CTNNA3: variants seen among roughly 807,000 people sequenced by gnomAD.
The protein encoded by CTNNA3 is catenin alpha-3.
Under a neutral mutation model 95.7 loss-of-function variants are expected in CTNNA3, and 76 were observed. The ratio of observed to expected loss-of-function variants is 0.79; its 90% CI spans 0.66 to 0.96. The LOEUF is 0.96. CTNNA3 is among the 40% of genes least tolerant of loss of function. The pLI is 0.00. For synonymous variants in CTNNA3, 431 were observed against 374.4 expected, an observed-to-expected ratio of 1.15 and a Z score of -1.74; for missense variants, 1,191 against 1,089.8, an observed-to-expected ratio of 1.09 and a Z score of -1.31.
chr10:67,408,885 A>C (rs955357635), intron 5 of CTNNA3, among the ~76,000 whole-genome samples: 119 of 146,252 alleles, frequency 8.1e-4, no homozygotes, highest in Middle Eastern at 3.6e-3. Flanking sequence ...AAATTTACAA[A>C]AAAAAAAAAA....
intron 5 of CTNNA3, among the ~76,000 whole-genome samples, chr10:67,515,712 A>G (rs1839790580): frequency 1.3e-5 from 2 of 152,218 alleles, no homozygotes; most frequent in African/African-American, 2.4e-5. Flanking sequence ...AAAAGGAATA[A>G]TTCAATCAGA....
At position 65,915,914 on chromosome 10, in the gene CTNNA3, T is replaced by C. The variant is rs1021779473; in HGVS notation, c.*4416A>G. Reference sequence around the variant, plus strand: ...TTACTTCTTCTCTTTCTCTTTGAGATGACTAAGATAGCGTTAGTAGCCTCA... The same window carrying C: ...TTACTTCTTCTCTTTCTCTTTGAGACGACTAAGATAGCGTTAGTAGCCTCA... On this transcript the variant is annotated 3_prime_UTR_variant, in exon 18 of 18. Coordinates refer to ENST00000433211, the MANE Select transcript of CTNNA3 (RefSeq NM_013266.4). 6.6e-6 allele frequency: 1 copy of C among 152,228 alleles called. No individual in the cohort carries two copies. Among genetic ancestry groups the C allele is most frequent in the Non-Finnish European group, 1.5e-5 (1 of 68,038 alleles). 9.4% of individuals were successfully genotyped at this position (152,228 alleles called of 1,614,324 possible). A position where few individuals can be genotyped will look rare whatever the true frequency, so the allele number is the denominator to read the frequency against.
intron 8 of CTNNA3, among the ~76,000 whole-genome samples, chr10:66,769,748 C>G (rs10997376): frequency 0.85 from 129,416 of 152,246 alleles, 55,305 homozygotes; most frequent in East Asian, 1. Flanking sequence ...AAAATTCCTA[C>G]CCTCCATCCA....
chr10:67,563,172 G>T (rs11527385), intron 3 of CTNNA3, among the ~76,000 whole-genome samples: 19,859 of 151,904 alleles, frequency 0.13, 1,575 homozygotes, highest in East Asian at 0.3. Flanking sequence ...AAAAGAGCCC[G>T]CATCGCCAAG....
chr10:67,450,395 G>T (rs146630024), intron 5 of CTNNA3, among the ~76,000 whole-genome samples: 1 of 151,978 alleles, frequency 6.6e-6, no homozygotes, highest in East Asian at 1.9e-4. Context: ...GCCCATCAGC[G>T]GTAGGCTGGA....
At chr10:66,506,884 A>C (rs1318889267) in intron 11 of CTNNA3, among the ~76,000 whole-genome samples, 1 of 152,154 alleles carries the variant, frequency 6.6e-6, no homozygotes, top group Non-Finnish European at 1.5e-5. Context: ...GGTAATAGGA[A>C]ATTGGTTATA....
intron 11 of CTNNA3, among the ~76,000 whole-genome samples, chr10:66,464,323 T>C (rs1364585999): frequency 1.3e-5 from 2 of 152,190 alleles, no homozygotes; most frequent in Non-Finnish European, 2.9e-5. Context: ...TTAATGCTAC[T>C]GGATCAACTC....
At chr10:67,181,940 A>G (rs548991392) in intron 6 of CTNNA3, among the ~76,000 whole-genome samples, 12 of 152,140 alleles carry the variant, frequency 7.9e-5, no homozygotes, top group Non-Finnish European at 7.4e-5. Flanking sequence ...CCCATTCACA[A>G]TTGCTACAAA....
intron 3 of CTNNA3, among the ~76,000 whole-genome samples, chr10:67,598,850 A>G (rs1842999757): frequency 1.3e-5 from 2 of 152,148 alleles, no homozygotes; most frequent in South Asian, 4.1e-4. Context: ...AAATCTCATA[A>G]AAGAGAAAAC....
intron 7 of CTNNA3, among the ~76,000 whole-genome samples, chr10:66,935,017 T>A (rs960103934): frequency 2.6e-5 from 4 of 152,066 alleles, no homozygotes; most frequent in African/African-American, 7.2e-5. Context: ...CCTTGAGTGG[T>A]GTTCATAGCT....
At chr10:66,172,325 G>T (rs892972338) in intron 13 of CTNNA3, among the ~76,000 whole-genome samples, 1 of 152,138 alleles carries the variant, frequency 6.6e-6, no homozygotes, top group Middle Eastern at 3.4e-3. Flanking sequence ...TTGTTTTCCT[G>T]CAGTAAATGT....
chr10:66,625,965 G>A (rs1844920287), intron 9 of CTNNA3, among the ~76,000 whole-genome samples: 1 of 151,448 alleles, frequency 6.6e-6, no homozygotes, highest in Non-Finnish European at 1.5e-5. Flanking sequence ...CAATGAAACA[G>A]ATATTTTGAG....
chr10:66,990,922 GCAAA>G (rs1451493564), intron 7 of CTNNA3, among the ~76,000 whole-genome samples: 3 of 152,108 alleles, frequency 2.0e-5, no homozygotes, highest in Non-Finnish European at 4.4e-5. Flanking sequence ...GAATGGTGAG[GCAAA>G]CAAAGCATCA....
intron 1 of CTNNA3, among the ~76,000 whole-genome samples, chr10:67,656,895 G>A (rs1460218514): frequency 1.3e-5 from 2 of 152,186 alleles, no homozygotes; most frequent in African/African-American, 4.8e-5. Flanking sequence ...AACTATTGCA[G>A]ATGTTTGAGC....
chr10:66,384,373 G>A (rs947249828), intron 11 of CTNNA3, among the ~76,000 whole-genome samples: 4 of 152,174 alleles, frequency 2.6e-5, no homozygotes, highest in Admixed American at 6.6e-5. Context: ...ATGGTAAAGG[G>A]ATCAATTCAA....
chr10:66,106,100 G>A (rs1053699708), intron 13 of CTNNA3, among the ~76,000 whole-genome samples: 8 of 151,928 alleles, frequency 5.3e-5, no homozygotes, highest in Admixed American at 3.3e-4. Context: ...CCAGCTGCTC[G>A]GGAGGCTGAG....
At chr10:67,120,600 C>T (rs1438405000) in intron 7 of CTNNA3, among the ~76,000 whole-genome samples, 1 of 151,876 alleles carries the variant, frequency 6.6e-6, no homozygotes, top group Non-Finnish European at 1.5e-5. Flanking sequence ...TGAGCACTTT[C>T]CAGAAAATAA....
At chr10:67,305,703 C>G (rs1165536074) in intron 5 of CTNNA3, among the ~76,000 whole-genome samples, 1 of 152,018 alleles carries the variant, frequency 6.6e-6, no homozygotes, top group Non-Finnish European at 1.5e-5. Flanking sequence ...TGAACCTGCA[C>G]TAGAGTGGTA....
At chr10:67,664,641 A>G (rs148083592) in intron 1 of CTNNA3, among the ~76,000 whole-genome samples, 2,060 of 152,074 alleles carry the variant, frequency 0.014, 50 homozygotes, top group African/African-American at 0.047. Context: ...CTTTCACTCC[A>G]CATTTAATTT....
Sources: gnomAD v4.1 joint callset for allele counts (sites outside exome capture counted in the v4.1 genomes callset) on GRCh38, gnomAD v4.1.1 for gene constraint, MANE v1.5 for transcripts, NCBI Gene and HGNC (gene_info 2026-07-23, HGNC 2026-07-21) for gene names.